The following TRIM66 variants were observed in gnomAD, a reference collection of about 807,000 sequenced individuals.
TRIM66 encodes the protein tripartite motif containing 66.
Under a neutral mutation model 148.2 loss-of-function variants are expected in TRIM66, and 99 were observed. That is an observed-to-expected ratio of 0.67 (90% CI 0.57 to 0.79). TRIM66 has a LOEUF of 0.79. TRIM66 is among the 30% of genes least tolerant of loss of function. The pLI, the probability that TRIM66 is intolerant of heterozygous loss-of-function variation, is 0.00. For missense variants in TRIM66, 1,666 were observed against 1,697.9 expected (o/e 0.98, Z 0.33); for synonymous variants, 616 against 635.9 (o/e 0.97, Z 0.47).
chr11:8,626,594 T>C (rs1592035574), intron 15 of TRIM66, among the ~76,000 whole-genome samples: 2 of 152,112 alleles, frequency 1.3e-5, no homozygotes, highest in Non-Finnish European at 2.9e-5. Flanking sequence ...CACTAATTCT[T>C]CCCTCTGCTA....
At position 8,679,733 on chromosome 11, in the gene TRIM66, CCCT is replaced by C. The variant is rs2039330292; in HGVS notation, c.-306_-304del. On this transcript the variant is annotated 5_prime_UTR_variant, in exon 3 of 25. Transcript: ENST00000646038. ...AGACGACGATGTCTTCTTTGATCTC[CCCT>C]CCTATTCTCAAGACCCCTCTTCCTG... is the stretch of plus-strand genomic sequence containing the variant. The C allele has an allele frequency of 6.6e-6, 1 of 152,644 alleles. No homozygotes were observed. The highest frequency in any genetic ancestry group is 6.6e-5 in the Admixed American group (1 of 15,260). 9.5% of individuals were successfully genotyped at this position (152,644 alleles called of 1,614,324 possible). A position where few individuals can be genotyped will look rare whatever the true frequency, so the allele number is the denominator to read the frequency against.
Position 8,649,796 on chromosome 11 carries a change from C to T in TRIM66, c.536G>A (p.Arg179Gln), listed in dbSNP as rs1292729322. 8.4e-6 allele frequency: 13 copies of T among 1,551,542 alleles called. No homozygotes were observed. Among genetic ancestry groups the T allele is most frequent in the South Asian group, 5.9e-5 (5 of 84,066 alleles). Residue 179 changes from arginine to glutamine, a missense_variant, in exon 8 of 25, where the codon CGA (arginine) becomes CAA (glutamine). This residue lies in a region of TRIM66 where 1,431 missense variants were observed against 1,412.4 expected (regional missense o/e 1.01). Transcript: ENST00000646038. ...WLCSSCTEEH[R>Q]HSPVPGGPFF... The stretch of plus-strand genomic sequence containing the variant: ...TGGGCCCCCGGGGACAGGGCTGTGT[C>T]GGTGTTCCTCTGTGCAAGAGCTGCA...
chr11:8,619,901 TG>T (rs1433916755), intron 22 of TRIM66, 148 bp downstream of exon 22: 30 of 837,750 alleles, frequency 3.6e-5, no homozygotes, highest in Non-Finnish European at 5.6e-5. Context: ...CTGGGCCCTC[TG>T]AGCAGAAAAG....
Position 8,647,989 on chromosome 11 carries a change from C to T in TRIM66, c.823G>A (p.Ala275Thr), listed in dbSNP as rs2037017348. ...TGCTACCTGTCCTCAATTTGCTTTG[C>T]AGATGTCTGTAGACTGGATTTCTTA... is the stretch of plus-strand genomic sequence containing the variant. ...AHKKSSLQTS[A>T]KQIEDRIFEV... is the part of the protein sequence containing the mutation. Residue 275 changes from alanine (A) to threonine (T), a missense_variant, in exon 10 of 25, where the codon GCA becomes ACA. Coordinates refer to ENST00000646038, the MANE Select transcript of TRIM66 (RefSeq NM_001388022.1). The T allele has an allele frequency of 6.4e-7, 1 of 1,551,834 alleles. No homozygotes were observed. Among genetic ancestry groups the T allele is most frequent in the Non-Finnish European group, 8.7e-7 (1 of 1,146,998 alleles).
intron 12 of TRIM66, chr11:8,644,576 G>A: frequency 2.9e-6 from 1 of 350,650 alleles, no homozygotes; most frequent in Non-Finnish European, 5.6e-6. Flanking sequence ...AGGTCAACCA[G>A]TTCACTCTAT....
intron 14 of TRIM66, among the ~76,000 whole-genome samples, chr11:8,639,368 C>T (rs938505923): frequency 1.7e-4 from 26 of 152,066 alleles, no homozygotes; most frequent in African/African-American, 6.0e-4. Context: ...ACAGGAGGTT[C>T]TGGGGGGAAG....
intron 15 of TRIM66, among the ~76,000 whole-genome samples, chr11:8,633,407 C>A (rs951770234): frequency 6.6e-6 from 1 of 152,116 alleles, no homozygotes; most frequent in African/African-American, 2.4e-5. Flanking sequence ...GGAGCAAGGA[C>A]CTGTTTTCTC....
chr11:8,623,361 A>C (rs1348844946), intron 17 of TRIM66, among the ~76,000 whole-genome samples: 2 of 152,222 alleles, frequency 1.3e-5, no homozygotes, highest in Admixed American at 1.3e-4. Flanking sequence ...GGCAGGAGGC[A>C]GTGATGGGGC....
rs549667333 is a variant in TRIM66 at position 8,667,078 on chromosome 11, A to G, written c.340+4708T>C. Among the ~76,000 whole-genome samples the G allele has an allele frequency of 2.0e-5, 3 of 152,254 alleles. No individual in the cohort carries two copies. The East Asian group carries it at 5.8e-4, about 29-fold the overall frequency. On this transcript the variant is annotated intron_variant, in intron 6 of 24. Coordinates refer to ENST00000646038, the MANE Select transcript of TRIM66 (RefSeq NM_001388022.1). ...GGTGATCCACCTGCCTTGGCCTCTC[A>G]AAGTGCTGGGATTACAGGCATGAGC... is the stretch of plus-strand genomic sequence containing the variant.
At position 8,640,738 on chromosome 11, in the gene TRIM66, C is replaced by T. The variant is rs546981627; in HGVS notation, c.1637G>A (p.Arg546Gln). Residue 546 changes from arginine to glutamine, a missense_variant, in exon 14 of 25, where the codon CGG (arginine) becomes CAG (glutamine). Arg to Gln is a conservative substitution (Grantham distance 43). Transcript: ENST00000646038. ...CTGGGAAGTCAGCTGCTGCCCCAGC[C>T]GCTGGGATGTGCTCTCCTGCTCCAC... Reference protein sequence around the residue: ...PPVEQESTSQRLGQQLTSQPV... With the variant: ...PPVEQESTSQQLGQQLTSQPV... The T allele has an allele frequency of 2.9e-5, 45 of 1,551,348 alleles. No individual in the cohort carries two copies. Among genetic ancestry groups the T allele is most frequent in the African/African-American group, 1.6e-4 (12 of 73,136 alleles).
intron 14 of TRIM66, among the ~76,000 whole-genome samples, chr11:8,639,828 C>A (rs944214570): frequency 8.5e-5 from 13 of 152,216 alleles, no homozygotes; most frequent in East Asian, 1.9e-4. Flanking sequence ...CTGCCCTCCC[C>A]CTGTCTGGGA....
chr11:8,625,010 A>C lies in TRIM66; in HGVS notation c.2529T>G (p.Ser843Arg). The C allele has an allele frequency of 1.9e-6, 3 of 1,551,686 alleles. No individual in the cohort carries two copies. The highest frequency in any genetic ancestry group is 1.7e-6 in the Non-Finnish European group (2 of 1,146,962). ...CAAGGCTGGGCACAGTCTGTAGGTG[A>C]CTGGTTGTCAGGCTGGGCATGGCCT... Reference protein sequence around the residue: ...QNQAMPSLTTSHLQTVPSLVH... With the variant: ...QNQAMPSLTTRHLQTVPSLVH... The change falls in exon 16 of 25, where the codon AGT (serine) becomes AGG (arginine). Residue 843 changes from serine (S) to arginine (R), a missense_variant. Coordinates refer to ENST00000646038, the MANE Select transcript of TRIM66 (RefSeq NM_001388022.1).
At position 8,616,380 on chromosome 11, in the gene TRIM66, T is replaced by A. The variant is rs1321374187; in HGVS notation, c.*1564A>T. The A allele has an allele frequency of 1.3e-5, 2 of 152,212 alleles. No individual in the cohort carries two copies. The highest frequency in any genetic ancestry group is 4.8e-5 in the African/African-American group (2 of 41,442). 9.4% of individuals were successfully genotyped at this position (152,212 alleles called of 1,614,324 possible). On this transcript the variant is annotated 3_prime_UTR_variant, in exon 25 of 25. Coordinates refer to ENST00000646038, the MANE Select transcript of TRIM66 (RefSeq NM_001388022.1). Reference sequence around the variant, plus strand: ...CAAGAACATCCTTGAACTTCATCTGTTAGCAAAAATAAAGCCATGACCTCA... The same window carrying A: ...CAAGAACATCCTTGAACTTCATCTGATAGCAAAAATAAAGCCATGACCTCA...
At position 8,612,686 on chromosome 11, in the gene TRIM66, G is replaced by A. The variant is rs1295326683; in HGVS notation, c.*5258C>T. ...ATAAGGAGTCATGCTGACTCCAGCT[G>A]AGCCCCAGCAAGGGAGCAGCCACCG... On this transcript the variant is annotated 3_prime_UTR_variant, in exon 25 of 25. Coordinates refer to ENST00000646038, the MANE Select transcript of TRIM66 (RefSeq NM_001388022.1). 6.6e-6 allele frequency: 1 copy of A among 152,238 alleles called. No individual in the cohort carries two copies. Among genetic ancestry groups the A allele is most frequent in the African/African-American group, 2.4e-5 (1 of 41,448 alleles). The allele number at this position is 152,238 out of a possible 1,614,324, so 9.4% of individuals were successfully genotyped here.
At chr11:8,649,595 G>A (rs2037174122) in intron 8 of TRIM66, 145 bp downstream of exon 8, 3 of 1,153,122 alleles carry the variant, frequency 2.6e-6, no homozygotes, top group East Asian at 5.2e-5. Context: ...GACTCTGAAG[G>A]AGACTTCCTT....
intron 7 of TRIM66, among the ~76,000 whole-genome samples, chr11:8,650,154 C>T (rs760837307): frequency 1.2e-4 from 19 of 152,246 alleles, no homozygotes; most frequent in Non-Finnish European, 2.4e-4. Flanking sequence ...AGGAGGAGTG[C>T]TTGAGCCCAG....
At chr11:8,668,429 G>C (rs1022742104) in intron 6 of TRIM66, among the ~76,000 whole-genome samples, 1 of 151,824 alleles carries the variant, frequency 6.6e-6, no homozygotes, top group African/African-American at 2.4e-5. Flanking sequence ...ATGTCATCTG[G>C]GATACTGAGA....
intron 6 of TRIM66, among the ~76,000 whole-genome samples, chr11:8,669,619 G>A (rs569175961): frequency 2.6e-5 from 4 of 151,452 alleles, no homozygotes; most frequent in African/African-American, 9.7e-5. Context: ...CTCCAGCCTG[G>A]GCGACAGAGT....
intron 4 of TRIM66, among the ~76,000 whole-genome samples, chr11:8,674,322 T>G (rs967872101): frequency 2.0e-5 from 3 of 152,256 alleles, no homozygotes; most frequent in Non-Finnish European, 4.4e-5. Context: ...AATAAACTTG[T>G]TATATGTTAA....
Sources: gnomAD v4.1 joint callset for allele counts (sites outside exome capture counted in the v4.1 genomes callset) on GRCh38, gnomAD v4.1.1 for gene constraint, gnomAD v4.1.1 regional missense constraint, MANE v1.5 for transcripts, NCBI Gene and HGNC (gene_info 2026-07-23, HGNC 2026-07-21) for gene names.